SCNN1B: variants seen among roughly 807,000 people sequenced by gnomAD.
SCNN1B encodes epithelial sodium channel subunit beta.
In SCNN1B, 46 loss-of-function variants were observed where a neutral mutation model predicts 65.3. The ratio of observed to expected loss-of-function variants is 0.70; its 90% confidence interval spans 0.56 to 0.90. The LOEUF (loss-of-function observed/expected upper bound fraction) is 0.90. Ranked by LOEUF, SCNN1B falls within the 40% of genes least tolerant of loss-of-function variation. SCNN1B has a pLI of 0.00. For missense variants in SCNN1B, 751 were observed against 830.5 expected (o/e 0.90, Z 1.18); for synonymous variants, 349 against 330.6 (o/e 1.06, Z -0.60).
intron 1 of SCNN1B, among the ~76,000 whole-genome samples, chr16:23,311,093 G>A (rs893617879): frequency 5.3e-5 from 8 of 152,238 alleles, no homozygotes; most frequent in African/African-American, 1.7e-4. Flanking sequence ...TGCTGAAGAT[G>A]CACATACCCT....
intron 2 of SCNN1B, 72 bp from the exon 3 acceptor site, chr16:23,352,729 G>T: frequency 6.5e-7 from 1 of 1,530,650 alleles, no homozygotes; most frequent in Non-Finnish European, 9.0e-7. Flanking sequence ...CTATGGAGTG[G>T]GTCCCAGATT....
At chr16:23,361,095 A>G (rs1260530558) in intron 4 of SCNN1B, among the ~76,000 whole-genome samples, 2 of 152,078 alleles carry the variant, frequency 1.3e-5, no homozygotes, top group Non-Finnish European at 2.9e-5. Flanking sequence ...TGCCCAGCGT[A>G]AATTTTGTAT....
intron 1 of SCNN1B, among the ~76,000 whole-genome samples, chr16:23,307,295 C>CT (rs761118487): frequency 0.16 from 18,625 of 113,268 alleles, 2,492 homozygotes; most frequent in African/African-American, 0.33. Context: ...GCCTGTGCTC[C>CT]TTTTTTTTTT....
At chr16:23,352,387 A>G (rs1223703433) in intron 2 of SCNN1B, among the ~76,000 whole-genome samples, 1 of 152,164 alleles carries the variant, frequency 6.6e-6, no homozygotes, top group African/African-American at 2.4e-5. Flanking sequence ...CAAATATCAT[A>G]TTGAATTGTA....
chr16:23,347,491 TCAA>T (rs1302992712), intron 1 of SCNN1B, among the ~76,000 whole-genome samples: 6 of 152,234 alleles, frequency 3.9e-5, no homozygotes, highest in African/African-American at 1.4e-4. Context: ...CTAATTGATA[TCAA>T]CAAGAGTTAA....
At chr16:23,378,108 A>G (rs2142047112) in intron 10 of SCNN1B, among the ~76,000 whole-genome samples, 1 of 152,256 alleles carries the variant, frequency 6.6e-6, no homozygotes, top group African/African-American at 2.4e-5. Context: ...TCCTGGGCTT[A>G]AGTGATGCTC....
At position 23,375,816 on chromosome 16, in the gene SCNN1B, G is replaced by A; in HGVS notation, c.1231G>A (p.Gly411Arg). 1 of 1,614,058 alleles carries A rather than the reference G, an allele frequency of 6.2e-7. No homozygotes were observed. Among genetic ancestry groups the A allele is most frequent in the Middle Eastern group, 1.6e-4 (1 of 6,062 alleles). Residue 411 changes from glycine to arginine, a missense_variant, in exon 8 of 13, where the codon GGG becomes AGG. By Grantham distance (125) the Gly-to-Arg change is moderately radical. Transcript: ENST00000343070. ...CGHYLYPLPR[G>R]EKYCNNRDFP... ...CCACTACCTGTACCCACTGCCCCGT[G>A]GGGAGAAATACTGCAACAACCGGGA...
intron 4 of SCNN1B, among the ~76,000 whole-genome samples, chr16:23,360,345 G>C (rs977515569): frequency 6.6e-6 from 1 of 151,996 alleles, no homozygotes; most frequent in Non-Finnish European, 1.5e-5. Context: ...AGACCAACCT[G>C]AGCAACATAG....
intron 11 of SCNN1B, among the ~76,000 whole-genome samples, chr16:23,379,137 C>CCCA: frequency 6.7e-6 from 1 of 148,430 alleles, no homozygotes; most frequent in African/African-American, 2.6e-5. Context: ...CCATCCTCCA[C>CCCA]TCATTCATCC....
chr16:23,305,245 T>C (rs1351160682), intron 1 of SCNN1B, among the ~76,000 whole-genome samples: 1 of 151,902 alleles, frequency 6.6e-6, no homozygotes, highest in Non-Finnish European at 1.5e-5. Context: ...ATACAAGAGA[T>C]AGCAAAAGTC....
chr16:23,368,896 G>T (rs1018641255), intron 5 of SCNN1B, among the ~76,000 whole-genome samples: 2 of 152,136 alleles, frequency 1.3e-5, no homozygotes, highest in Non-Finnish European at 2.9e-5. Flanking sequence ...AGACTTAGAG[G>T]GTGGGAGGGT....
At chr16:23,374,853 C>T (rs979103057) in intron 7 of SCNN1B, among the ~76,000 whole-genome samples, 6 of 151,750 alleles carry the variant, frequency 4.0e-5, no homozygotes, top group East Asian at 1.9e-4. Context: ...TCCAGGAGCC[C>T]GGGGTAGTCA....
At chr16:23,313,437 G>A (rs1961385981) in intron 1 of SCNN1B, among the ~76,000 whole-genome samples, 2 of 152,292 alleles carry the variant, frequency 1.3e-5, no homozygotes, top group South Asian at 4.1e-4. Context: ...ACTTGAGGAG[G>A]TGTGGTCACC....
chr16:23,355,630 G>C (rs917550304), intron 4 of SCNN1B, 141 bp downstream of exon 4: 2 of 858,314 alleles, frequency 2.3e-6, no homozygotes, highest in African/African-American at 1.7e-5. Flanking sequence ...TCTGTGCCTC[G>C]GTGTCTTTTA....
intron 1 of SCNN1B, among the ~76,000 whole-genome samples, chr16:23,281,495 A>G (rs1187964847): frequency 1.3e-5 from 2 of 152,218 alleles, no homozygotes; most frequent in Non-Finnish European, 2.9e-5. Flanking sequence ...ACAGCTGTTC[A>G]GTAAACATTA....
intron 1 of SCNN1B, among the ~76,000 whole-genome samples, chr16:23,333,646 A>T (rs990503460): frequency 6.6e-6 from 1 of 152,194 alleles, no homozygotes; most frequent in African/African-American, 2.4e-5. Flanking sequence ...TAGAAGGCAC[A>T]GGTACTATTA....
rs778102756 is a variant in SCNN1B, at chr16:23,355,444, A to G, written c.731A>G (p.Gln244Arg). The G allele has an allele frequency of 5.5e-5, 88 of 1,614,116 alleles. No homozygotes were observed. The highest frequency in any genetic ancestry group is 7.2e-5 in the Non-Finnish European group (85 of 1,180,058). ...GTAGAGATGAGCTACCCCGGCGAGC[A>G]GATGATCCTGGCCTGCCTATTCGGA... ...ELVEMSYPGE[Q>R]MILACLFGAE... The change falls in exon 4 of 13, where the codon CAG becomes CGG. Residue 244 changes from glutamine (Q) to arginine (R), a missense_variant. By Grantham distance (43) the Gln-to-Arg change is conservative (BLOSUM62 1). Transcript: ENST00000343070.
At chr16:23,305,559 TA>T (rs1476081503) in intron 1 of SCNN1B, among the ~76,000 whole-genome samples, 1 of 55,334 alleles carries the variant, frequency 1.8e-5, no homozygotes, top group Non-Finnish European at 3.0e-5. Flanking sequence ...TATATATATA[TA>T]TATATATATA....
At chr16:23,282,091 T>C (rs1960792276) in intron 1 of SCNN1B, among the ~76,000 whole-genome samples, 1 of 151,964 alleles carries the variant, frequency 6.6e-6, no homozygotes, top group African/African-American at 2.4e-5. Flanking sequence ...GGGAAAGGGA[T>C]GAAGGATGGA....
Sources: gnomAD v4.1 joint callset for allele counts (sites outside exome capture counted in the v4.1 genomes callset) on GRCh38, gnomAD v4.1.1 for gene constraint, MANE v1.5 for transcripts, NCBI Gene and HGNC (gene_info 2026-07-23, HGNC 2026-07-21) for gene names.